The following TERT variants were observed in gnomAD, a reference collection of about 807,000 sequenced individuals.
TERT encodes the protein telomerase catalytic subunit.
Under a neutral mutation model 104.0 loss-of-function variants are expected in TERT, and 42 were observed. The observed-to-expected ratio is 0.40, with a 90% CI of 0.32 to 0.52. The LOEUF (loss-of-function observed/expected upper bound fraction) is 0.52. TERT is among the 20% of genes least tolerant of loss of function. The probability of loss-of-function intolerance (pLI) is 0.43; values close to 1 mark genes in which losing one functional copy is unlikely to be tolerated. For missense variants in TERT, 1,101 were observed against 1,610.3 expected, an observed-to-expected ratio of 0.68 and a Z score of 5.41; for synonymous variants, 781 against 725.6, an observed-to-expected ratio of 1.08 and a Z score of -1.23.
rs1398231253 is a variant in TERT at position 1,257,579 on chromosome 5, C to A, written c.3032+1019G>T. ...AGCCGGACGCACCCTGGAACTGAGACAGCCTGGTCCCAAGCCTCTGGAGCT... is the reference window on the plus strand; with the variant it reads ...AGCCGGACGCACCCTGGAACTGAGAAAGCCTGGTCCCAAGCCTCTGGAGCT... On this transcript the variant is annotated intron_variant, in intron 13 of 15. Coordinates refer to ENST00000310581, the MANE Select transcript of TERT (RefSeq NM_198253.3). The surrounding 1 kb of genome is among the most constrained non-coding windows in gnomAD (Gnocchi z 5.6). 1.3e-5 allele frequency among the ~76,000 whole-genome samples: 2 copies of A among 152,208 alleles called. No homozygotes were observed. Among genetic ancestry groups the A allele is most frequent in the Non-Finnish European group, 2.9e-5 (2 of 68,028 alleles).
At chr5:1,254,759 G>A (rs188399318) in intron 14 of TERT, among the ~76,000 whole-genome samples, 7 of 152,338 alleles carry the variant, frequency 4.6e-5, no homozygotes, top group African/African-American at 4.8e-5. Flanking sequence ...AATTTCAGAC[G>A]GATCAGAAAC....
At chr5:1,278,443 A>C (rs1452296778) in intron 6 of TERT, among the ~76,000 whole-genome samples, 198 bp downstream of exon 6, 3 of 151,268 alleles carry the variant, frequency 2.0e-5, no homozygotes, top group African/African-American at 7.3e-5. Context: ...CACACGTGCC[A>C]CACACACACA....
chr5:1,266,435 T>A (rs1194094950), intron 10 of TERT, 29 bp downstream of exon 10: 2 of 1,579,426 alleles, frequency 1.3e-6, no homozygotes, highest in Non-Finnish European at 1.7e-6. Context: ...GCTGTGGAGG[T>A]CCCCACAGAC....
Position 1,279,284 on chromosome 5 carries a change from C to A in TERT, c.2130+7G>T. The stretch of plus-strand genomic sequence containing the variant: ...CAGGGCTGCTCACGGGGGTCCCCGG[C>A]ACCCACCTTGACAAAGTACAGCTCA... On this transcript the variant is annotated splice_region_variant and intron_variant, in intron 5 of 15. Transcript: ENST00000310581. The A allele has an allele frequency of 6.4e-7, 1 of 1,571,796 alleles. No homozygotes were observed. The highest frequency in any genetic ancestry group is 2.3e-5 in the East Asian group (1 of 42,578).
rs572824611 is a variant in TERT, at chr5:1,261,752, G to A, written c.2844-1152C>T. Among the ~76,000 whole-genome samples the A allele has an allele frequency of 3.9e-5, 6 of 152,236 alleles. No homozygotes were observed. The highest frequency in any genetic ancestry group is 6.5e-5 in the Admixed American group (1 of 15,300). On this transcript the variant is annotated intron_variant, in intron 11 of 15. Coordinates refer to ENST00000310581, the MANE Select transcript of TERT (RefSeq NM_198253.3). The surrounding 1 kb of genome is among the most constrained non-coding windows in gnomAD (Gnocchi z 7.4). ...CATCCCCAACACGACCTTGGGCTCC[G>A]GCTCACCCTGAGCCTATGGGTCTGA... is the stretch of plus-strand genomic sequence containing the variant.
intron 2 of TERT, chr5:1,282,832 G>C (rs1359780916): frequency 1.7e-6 from 1 of 589,366 alleles, no homozygotes; most frequent in Non-Finnish European, 3.0e-6. Context: ...CGGGGACACC[G>C]CATATCCAGC....
intron 9 of TERT, 113 bp from the exon 10 acceptor site, chr5:1,266,648 T>G: frequency 1.1e-6 from 1 of 932,372 alleles, no homozygotes; most frequent in Non-Finnish European, 1.7e-6. Context: ...AGTAACATTC[T>G]CCAAAGCGGT....
chr5:1,280,344 A>G lies in TERT; in HGVS notation c.1770-6T>C, dbSNP rs2126644817. ...GCACCCTCTTCAAGTGCTGTCTGCA[A>G]TAGAGAGCCCCTCAGGAGGCTTGCT... is the stretch of plus-strand genomic sequence containing the variant. On this transcript the variant is annotated splice_region_variant and splice_polypyrimidine_tract_variant and intron_variant, in intron 3 of 15. Coordinates refer to ENST00000310581, the MANE Select transcript of TERT (RefSeq NM_198253.3). The G allele has an allele frequency of 1.9e-6, 3 of 1,612,166 alleles. No homozygotes were observed. The highest frequency in any genetic ancestry group is 1.1e-5 in the South Asian group (1 of 90,818).
In TERT at chr5:1,255,544, G is replaced by A; in HGVS notation, c.3033-133C>T. On this transcript the variant is annotated intron_variant, in intron 13 of 15. Coordinates refer to ENST00000310581, the MANE Select transcript of TERT (RefSeq NM_198253.3). The surrounding 1 kb of genome is among the most constrained non-coding windows in gnomAD (Gnocchi z 6.9). ...CATGGGTTTCCTCATGGGCACAGGT[G>A]CACACACACGGATGCATGCATGCAT... is the stretch of plus-strand genomic sequence containing the variant. The A allele has an allele frequency of 9.1e-7, 1 of 1,103,784 alleles. No homozygotes were observed. The highest frequency in any genetic ancestry group is 1.4e-6 in the Non-Finnish European group (1 of 738,872). The allele number at this position is 1,103,784 out of a possible 1,614,324, so 68.4% of individuals were successfully genotyped here. A position where few individuals can be genotyped will look rare whatever the true frequency, so the allele number is the denominator to read the frequency against.
chr5:1,265,996 AAAC>A lies in TERT; in HGVS notation c.2654+465_2654+467del, dbSNP rs1748572314. On this transcript the variant is annotated intron_variant, in intron 10 of 15. Transcript: ENST00000310581. The surrounding 1 kb of genome is among the most constrained non-coding windows in gnomAD (Gnocchi z 6.9). ...AAATCCAAATTCTCCCACCGATCCC[AAAC>A]AACCCCACGCAGGAACGTGACCGCA... 6.6e-6 allele frequency among the ~76,000 whole-genome samples: 1 copy of A among 152,138 alleles called. No individual in the cohort carries two copies. Among genetic ancestry groups the A allele is most frequent in the Admixed American group, 6.5e-5 (1 of 15,286 alleles).
chr5:1,282,722 G>C, intron 2 of TERT, 98 bp from the exon 3 acceptor site: 8 of 1,288,864 alleles, frequency 6.2e-6, no homozygotes, highest in Non-Finnish European at 7.6e-6. Flanking sequence ...AGCTCACCAA[G>C]GGCCTGGCGA....
Position 1,294,471 on chromosome 5 carries a change from GC to G in TERT, c.414del (p.Leu139CysfsTer212). On this transcript the variant is annotated frameshift_variant, in exon 2 of 16. Coordinates refer to ENST00000310581, the MANE Select transcript of TERT (RefSeq NM_198253.3). LOFTEE classifies it high-confidence loss of function. ...TDALRGSGAWGLLLRRVGDDV... is the reference protein window; with the variant it reads ...TDALRGSGAWXLLLRRVGDDV... Reference sequence around the variant, plus strand: ...TCGTCGCCCACGCGGCGCAGCAGCAGCCCCCACGCCCCGCTCCCCCGCAGTG... The same window carrying G: ...TCGTCGCCCACGCGGCGCAGCAGCAGCCCCACGCCCCGCTCCCCCGCAGTG... 6.3e-7 allele frequency: 1 copy of G among 1,589,912 alleles called. No individual in the cohort carries two copies. The highest frequency in any genetic ancestry group is 1.1e-5 in the South Asian group (1 of 89,898).
At position 1,280,224 on chromosome 5, in the gene TERT, G is replaced by A. The variant is rs143992655; in HGVS notation, c.1884C>T (p.Asp628=). The change falls in exon 4 of 16, where the codon GAC becomes GAT. Residue 628 remains aspartate, a synonymous_variant. Coordinates refer to ENST00000310581, the MANE Select transcript of TERT (RefSeq NM_198253.3). Reference sequence around the variant, plus strand: ...CCATGTTCACAATCGGCCGCAGCCCGTCAGGCTTGGGGATGAAGCGGAGTC... The same window carrying A: ...CCATGTTCACAATCGGCCGCAGCCCATCAGGCTTGGGGATGAAGCGGAGTC... ...TSRLRFIPKP[D]GLRPIVNMDY... is the part of the protein sequence containing the mutation. 320 of 1,613,982 alleles carry A rather than the reference G, an allele frequency of 2.0e-4. 1 individual carries two copies. The African/African-American group carries it at 2.9e-3, about 15-fold the overall frequency.
Position 1,287,507 on chromosome 5 carries a change from AAATAT to A in TERT, c.1574-4888_1574-4884del, listed in dbSNP as rs1204935780. Among the ~76,000 whole-genome samples the A allele has an allele frequency of 5.3e-5, 7 of 132,662 alleles. No individual in the cohort carries two copies. Among genetic ancestry groups the A allele is most frequent in the Non-Finnish European group, 9.5e-5 (6 of 63,042 alleles). The allele number at this position is 132,662 out of a possible 152,430, so 87.0% of individuals were successfully genotyped here. ...ACCAAGACTCTGTCTCAAAAAAAAA[AAATAT>A]ATATATATATATATAAATTAAAGGC... On this transcript the variant is annotated intron_variant, in intron 2 of 15. Coordinates refer to ENST00000310581, the MANE Select transcript of TERT (RefSeq NM_198253.3). The surrounding 1 kb of genome is among the most constrained non-coding windows in gnomAD (Gnocchi z 4.3).
In TERT at chr5:1,257,084, C is replaced by A. The variant is rs571768196; in HGVS notation, c.3032+1514G>T. On this transcript the variant is annotated intron_variant, in intron 13 of 15. Coordinates refer to ENST00000310581, the MANE Select transcript of TERT (RefSeq NM_198253.3). This position sits in a 1 kb window ranked among gnomAD's most constrained non-coding sequence, Gnocchi z 5.6. ...ACGTGCCTGACTCTGTGTTTGGAAA[C>A]GGCCCGTGGCCCATCGCATCTCGGC... Among the ~76,000 whole-genome samples, 1 of 152,164 alleles carries A rather than the reference C, an allele frequency of 6.6e-6. No individual in the cohort carries two copies. The highest frequency in any genetic ancestry group is 1.5e-5 in the Non-Finnish European group (1 of 68,016).
intron 6 of TERT, among the ~76,000 whole-genome samples, 154 bp from the exon 7 acceptor site, chr5:1,272,434 C>T (rs189400448): frequency 4.0e-4 from 61 of 152,186 alleles, no homozygotes; most frequent in Admixed American, 8.5e-4. Flanking sequence ...GTTTGGGAAA[C>T]GGGGGCCGGG....
At chr5:1,258,746 G>A in intron 12 of TERT, 87 bp from the exon 13 acceptor site, 2 of 1,125,448 alleles carry the variant, frequency 1.8e-6, no homozygotes, top group Non-Finnish European at 2.6e-6. Flanking sequence ...CCATTCAGAT[G>A]GAACAAGAAA....
At position 1,288,368 on chromosome 5, in the gene TERT, G is replaced by C. The variant is rs1412587191; in HGVS notation, c.1573+4945C>G. On this transcript the variant is annotated intron_variant, in intron 2 of 15. Transcript: ENST00000310581. This position sits in a 1 kb window ranked among gnomAD's most constrained non-coding sequence, Gnocchi z 5.3. ...AGAAAAAGCATACAATGGAGAGATA[G>C]AAACGTCAGAGGTAAATCAGTGAAA... 1.3e-5 allele frequency among the ~76,000 whole-genome samples: 2 copies of C among 152,184 alleles called. No homozygotes were observed. The highest frequency in any genetic ancestry group is 4.8e-5 in the African/African-American group (2 of 41,450).
At position 1,278,704 on chromosome 5, in the gene TERT, C is replaced by T; in HGVS notation, c.2223G>A (p.Val741=). 6.2e-7 allele frequency: 1 copy of T among 1,614,190 alleles called. No homozygotes were observed. Among genetic ancestry groups the T allele is most frequent in the African/African-American group, 1.3e-5 (1 of 75,068 alleles). The stretch of plus-strand genomic sequence containing the variant: ...CCTTCTGGACCACGGCATACCGACG[C>T]ACGCAGTACGTGTTCTGGGGTTTGA... ...SIIKPQNTYC[V]RRYAVVQKAA... is the part of the protein sequence containing the mutation. Residue 741 remains valine (V), a synonymous_variant, in exon 6 of 16, where the codon GTG becomes GTA. Transcript: ENST00000310581.
Sources: allele counts gnomAD v4.1 joint callset (sites outside exome capture counted in the v4.1 genomes callset), GRCh38; gene constraint gnomAD v4.1.1; non-coding constraint Gnocchi (gnomAD v3.1); transcripts MANE v1.5; gene names NCBI Gene and HGNC (gene_info 2026-07-23, HGNC 2026-07-21).